The following CACNG5 variants were observed in gnomAD, a reference collection of about 807,000 sequenced individuals.
CACNG5 encodes the protein calcium voltage-gated channel auxiliary subunit gamma 5.
CACNG5 carries 18 observed loss-of-function variants against 24.8 expected under a neutral mutation model. The ratio of observed to expected loss-of-function variants is 0.73; its 90% CI spans 0.50 to 1.08. The LOEUF is 1.08. Ranked by LOEUF, CACNG5 falls within the 50% of genes least tolerant of loss-of-function variation. CACNG5 has a pLI of 0.00. For missense variants in CACNG5, 349 were observed against 367.9 expected (o/e 0.95, Z 0.42); for synonymous variants, 157 against 149.1 (o/e 1.05, Z -0.39).
chr17:66,854,247 G>A (rs1413049243), intron 1 of CACNG5, among the ~76,000 whole-genome samples: 2 of 152,106 alleles, frequency 1.3e-5, no homozygotes, highest in Non-Finnish European at 2.9e-5. Context: ...GGCTAACATG[G>A]TGAAACCCCG....
chr17:66,844,620 C>T (rs1042856766), intron 1 of CACNG5, among the ~76,000 whole-genome samples: 3 of 152,186 alleles, frequency 2.0e-5, no homozygotes, highest in Non-Finnish European at 4.4e-5. Context: ...GCAAAGTTAA[C>T]AGGTCCTTAT....
chr17:66,857,328 G>A (rs184194203), intron 1 of CACNG5, among the ~76,000 whole-genome samples: 3 of 152,108 alleles, frequency 2.0e-5, no homozygotes, highest in Admixed American at 6.5e-5. Context: ...TTATAGGCAT[G>A]AGCCACCTTG....
At chr17:66,876,647 A>T (rs1023606838) in intron 1 of CACNG5, among the ~76,000 whole-genome samples, 1 of 152,188 alleles carries the variant, frequency 6.6e-6, no homozygotes, top group Non-Finnish European at 1.5e-5. Context: ...GCAACTTATT[A>T]GAGTCACATG....
chr17:66,862,000 TC>T (rs1175190114), intron 1 of CACNG5, among the ~76,000 whole-genome samples: 6 of 152,164 alleles, frequency 3.9e-5, no homozygotes, highest in African/African-American at 1.4e-4. Context: ...GTGGCTCCCT[TC>T]ATCTTGGGGC....
intron 1 of CACNG5, among the ~76,000 whole-genome samples, chr17:66,872,318 A>G (rs1449201561): frequency 3.9e-5 from 6 of 152,232 alleles, no homozygotes; most frequent in Admixed American, 3.3e-4. Context: ...AATCAAATGA[A>G]CATGAGATTC....
At chr17:66,842,846 C>T (rs1976586390) in intron 1 of CACNG5, among the ~76,000 whole-genome samples, 1 of 152,180 alleles carries the variant, frequency 6.6e-6, no homozygotes, top group Non-Finnish European at 1.5e-5. Flanking sequence ...CCTACAAGGA[C>T]CACTCCTAGG....
chr17:66,880,761 A>G, intron 4 of CACNG5, 64 bp downstream of exon 4: 3 of 1,585,656 alleles, frequency 1.9e-6, no homozygotes, highest in Non-Finnish European at 2.6e-6. Context: ...TTTGTTTTTG[A>G]GACAGAGTCT....
rs145432365 is a variant in CACNG5, at chr17:66,890,305, C to T, written c.*5065C>T. ...CCACTACAGGGGGTGGAGGGTGGTA[C>T]GCTGGAGCCAGTCAGAGCCCTCACC... On this transcript the variant is annotated 3_prime_UTR_variant, in exon 6 of 6. Transcript: ENST00000533854. 3.3e-3 allele frequency among the ~76,000 whole-genome samples: 496 copies of T among 152,230 alleles called. 3 individuals are homozygous for T. Among genetic ancestry groups the T allele is most frequent in the African/African-American group, 0.011 (460 of 41,542 alleles).
At chr17:66,862,582 T>C (rs1332543507) in intron 1 of CACNG5, among the ~76,000 whole-genome samples, 4 of 152,190 alleles carry the variant, frequency 2.6e-5, no homozygotes, top group Non-Finnish European at 4.4e-5. Context: ...ATTGAGCATA[T>C]GGAACTTCGT....
intron 1 of CACNG5, among the ~76,000 whole-genome samples, chr17:66,866,925 A>AT (rs1976938840): frequency 6.6e-6 from 1 of 152,242 alleles, no homozygotes; most frequent in Non-Finnish European, 1.5e-5. Flanking sequence ...TGCTGCAATA[A>AT]ACATATGTGT....
rs1434917357 is a variant in CACNG5, at chr17:66,886,990, G to A, written c.*1750G>A. Among the ~76,000 whole-genome samples the A allele has an allele frequency of 2.0e-5, 3 of 152,116 alleles. No homozygotes were observed. The highest frequency in any genetic ancestry group is 4.4e-5 in the Non-Finnish European group (3 of 68,030). ...GGTGTCCAAGGACACCAGTCAGATT[G>A]GATTCGGGTCCATCCCCGATTAATT... On this transcript the variant is annotated 3_prime_UTR_variant, in exon 6 of 6. Coordinates refer to ENST00000533854, the MANE Select transcript of CACNG5 (RefSeq NM_145811.3).
At chr17:66,868,917 G>T (rs1976966011) in intron 1 of CACNG5, among the ~76,000 whole-genome samples, 2 of 152,164 alleles carry the variant, frequency 1.3e-5, no homozygotes, top group Admixed American at 6.5e-5. Context: ...ATTTGCCAGG[G>T]ATGGAAAATA....
rs1283266296 is a variant in CACNG5, at chr17:66,889,372, C to T, written c.*4132C>T. On this transcript the variant is annotated 3_prime_UTR_variant, in exon 6 of 6. Transcript: ENST00000533854. ...GCTGCATGCAGAGCTGGGGTGGGGG[C>T]GTGGGGGAAATCCATAGGTTGCCAC... Among the ~76,000 whole-genome samples the T allele has an allele frequency of 2.6e-5, 4 of 152,034 alleles. No individual in the cohort carries two copies. Among genetic ancestry groups the T allele is most frequent in the African/African-American group, 7.2e-5 (3 of 41,396 alleles).
At chr17:66,862,652 C>A (rs1976880184) in intron 1 of CACNG5, among the ~76,000 whole-genome samples, 1 of 146,676 alleles carries the variant, frequency 6.8e-6, no homozygotes, top group African/African-American at 2.5e-5. Context: ...ATTTAACGAG[C>A]ATCGCCCGCC....
At position 66,884,588 on chromosome 17, in the gene CACNG5, A is replaced by G. The variant is rs1772591852; in HGVS notation, c.497A>G (p.Asp166Gly). 1 of 1,614,164 alleles carries G rather than the reference A, an allele frequency of 6.2e-7. No homozygotes were observed. Among genetic ancestry groups the G allele is most frequent in the Non-Finnish European group, 8.5e-7 (1 of 1,180,028 alleles). The change falls in exon 5 of 6, where the codon GAT becomes GGT. Residue 166 changes from aspartate to glycine, a missense_variant. Coordinates refer to ENST00000533854, the MANE Select transcript of CACNG5 (RefSeq NM_145811.3). ...INDEMLNRTK[D>G]AETYFNYKYG... ...GATGAGATGCTCAACAGGACCAAGG[A>G]TGCAGAGACCTACTTCAACTACAAG...
chr17:66,882,749 A>G (rs979206819), intron 4 of CACNG5, among the ~76,000 whole-genome samples: 3 of 152,110 alleles, frequency 2.0e-5, no homozygotes, highest in African/African-American at 7.2e-5. Flanking sequence ...AGATGGATGG[A>G]TGGATTGGTG....
rs149447073 is a variant in CACNG5 at position 66,892,505 on chromosome 17, T to G, written c.*7265T>G. 6.9e-4 allele frequency among the ~76,000 whole-genome samples: 105 copies of G among 152,322 alleles called. No homozygotes were observed. Among genetic ancestry groups the G allele is most frequent in the African/African-American group, 2.5e-3 (102 of 41,572 alleles). ...AGTTCAGGTCAATCTTCATCACTGG[T>G]CTTTGAATAATTCATTTTGTGCTCA... On this transcript the variant is annotated 3_prime_UTR_variant, in exon 6 of 6. Transcript: ENST00000533854.
At chr17:66,844,216 G>A (rs932373927) in intron 1 of CACNG5, among the ~76,000 whole-genome samples, 15 of 152,198 alleles carry the variant, frequency 9.9e-5, no homozygotes, top group African/African-American at 3.6e-4. Context: ...CATCATGTGT[G>A]TTTTCAGATC....
intron 1 of CACNG5, among the ~76,000 whole-genome samples, chr17:66,838,957 A>ATTTTTT (rs1435457390): frequency 1.6e-5 from 1 of 61,500 alleles, no homozygotes; most frequent in African/African-American, 8.6e-5. Context: ...TCCCTCACCC[A>ATTTTTT]TTCTTTTTTT....
Sources: gnomAD v4.1 joint callset for allele counts (sites outside exome capture counted in the v4.1 genomes callset) on GRCh38, gnomAD v4.1.1 for gene constraint, MANE v1.5 for transcripts, NCBI Gene and HGNC (gene_info 2026-07-23, HGNC 2026-07-21) for gene names.